Variants in CHD1 observed in about 807,000 individuals in gnomAD.
CHD1 encodes the protein chromodomain helicase DNA binding protein 1.
A neutral mutation model predicts 224.2 loss-of-function variants in CHD1; 36 were observed. That is an observed-to-expected ratio of 0.16 (90% CI 0.12 to 0.21). The LOEUF (loss-of-function observed/expected upper bound fraction) is 0.21, where lower values mean the gene tolerates loss of function less well. Among genes scored for constraint, CHD1 ranks in the 10% least tolerant of loss-of-function variants. CHD1 has a pLI of 1.00. For synonymous variants in CHD1, 668 were observed against 658.3 expected (o/e 1.01, Z -0.23); for missense variants, 1,378 against 1,994.8 (o/e 0.69, Z 5.89).
intron 1 of CHD1, 119 bp from the exon 2 acceptor site, chr5:98,926,653 T>G (rs1219297252): frequency 4.2e-6 from 1 of 237,210 alleles, no homozygotes; most frequent in Admixed American, 5.6e-5. Context: ...AAGGAAGAAG[T>G]GGGGGCCTTT....
At chr5:98,862,401 G>A (rs1252409688) in intron 32 of CHD1, among the ~76,000 whole-genome samples, 2 of 152,112 alleles carry the variant, frequency 1.3e-5, no homozygotes, top group Non-Finnish European at 2.9e-5. Flanking sequence ...ACAGCCTTAG[G>A]ATGTAAAGTG....
Position 98,872,532 on chromosome 5 carries a change from C to A in CHD1, c.3595G>T (p.Gly1199Cys). The A allele has an allele frequency of 6.2e-7, 1 of 1,612,952 alleles. No individual in the cohort carries two copies. The highest frequency in any genetic ancestry group is 8.5e-7 in the Non-Finnish European group (1 of 1,179,640). ...ACTCCTGATATTCGGAATGTTGGACCCTTCACTTTTCCGAGTCTACCACCT... is the reference window on the plus strand; with the variant it reads ...ACTCCTGATATTCGGAATGTTGGACACTTCACTTTTCCGAGTCTACCACCT... ...RTGGRLGKVK[G>C]PTFRISGVQV... Residue 1199 changes from glycine (G) to cysteine (C), a missense_variant, in exon 27 of 36, where the codon GGT (glycine) becomes TGT (cysteine). Transcript: ENST00000614616.
At chr5:98,859,469 C>G (rs1748301431) in intron 33 of CHD1, among the ~76,000 whole-genome samples, 1 of 152,118 alleles carries the variant, frequency 6.6e-6, no homozygotes, top group African/African-American at 2.4e-5. Context: ...ACGTCTTCCT[C>G]TGGGACAGCT....
intron 23 of CHD1, among the ~76,000 whole-genome samples, chr5:98,878,760 C>A (rs1749952711): frequency 6.6e-6 from 1 of 151,932 alleles, no homozygotes; most frequent in African/African-American, 2.4e-5. Context: ...TCTAAAAAAA[C>A]CTGTGGGTCA....
chr5:98,860,847 A>G (rs1484124421), intron 32 of CHD1, among the ~76,000 whole-genome samples: 1 of 152,208 alleles, frequency 6.6e-6, no homozygotes, highest in Non-Finnish European at 1.5e-5. Context: ...ATGATACCTT[A>G]CTGAAATGAA....
At chr5:98,872,357 C>T (rs1749415213) in intron 27 of CHD1, 60 bp downstream of exon 27, 3 of 1,523,452 alleles carry the variant, frequency 2.0e-6, no homozygotes, top group African/African-American at 2.8e-5. Context: ...AAATTCAGCA[C>T]ATTCATTTTG....
chr5:98,869,342 A>C, intron 30 of CHD1: 1 of 785,496 alleles, frequency 1.3e-6, no homozygotes, highest in African/African-American at 1.9e-5. Flanking sequence ...ATTTTTCTTC[A>C]TATGACTACA....
intron 2 of CHD1, among the ~76,000 whole-genome samples, chr5:98,914,260 A>G (rs765975224): frequency 7.2e-5 from 11 of 152,196 alleles, no homozygotes; most frequent in Non-Finnish European, 1.3e-4. Flanking sequence ...GAAGCCATAC[A>G]TTAAGAAGAG....
intron 3 of CHD1, among the ~76,000 whole-genome samples, chr5:98,904,281 C>T (rs1180121734): frequency 6.6e-6 from 1 of 152,096 alleles, no homozygotes; most frequent in Non-Finnish European, 1.5e-5. Flanking sequence ...CAGATTTGAG[C>T]GGGGGGCCGG....
chr5:98,870,325 A>G (rs550446932), intron 29 of CHD1, among the ~76,000 whole-genome samples: 1 of 152,218 alleles, frequency 6.6e-6, no homozygotes, highest in Admixed American at 6.5e-5. Context: ...AAGCTTGGCA[A>G]CCTATGACGC....
intron 31 of CHD1, among the ~76,000 whole-genome samples, chr5:98,865,181 A>C (rs1363142754): frequency 1.3e-5 from 2 of 152,230 alleles, no homozygotes; most frequent in African/African-American, 4.8e-5. Flanking sequence ...AAGTAGAGGA[A>C]AAAACAAACA....
intron 32 of CHD1, among the ~76,000 whole-genome samples, chr5:98,862,076 G>A (rs1310603346): frequency 6.6e-6 from 1 of 152,084 alleles, no homozygotes. Context: ...AGGATAGCTT[G>A]AGCCCAGGAG....
chr5:98,928,243 C>T (rs1419860668), intron 1 of CHD1, among the ~76,000 whole-genome samples: 1 of 151,984 alleles, frequency 6.6e-6, no homozygotes, highest in Non-Finnish European at 1.5e-5. Flanking sequence ...CACGCACCGG[C>T]TAAGTGCTAG....
rs553269715 is a variant in CHD1 at position 98,854,151 on chromosome 5, T to C, written c.*2229A>G. Reference sequence around the variant, plus strand: ...TTCTGCTATATTTATGTACTAATGTTCTTCACCATTGCGTCTTAATTTTTC... The same window carrying C: ...TTCTGCTATATTTATGTACTAATGTCCTTCACCATTGCGTCTTAATTTTTC... On this transcript the variant is annotated 3_prime_UTR_variant, in exon 36 of 36. Coordinates refer to ENST00000614616, the MANE Select transcript of CHD1 (RefSeq NM_001270.4). 1 of 150,836 alleles carries C rather than the reference T, an allele frequency of 6.6e-6. No individual in the cohort carries two copies. Among genetic ancestry groups the C allele is most frequent in the African/African-American group, 2.5e-5 (1 of 40,552 alleles). The allele number at this position is 150,836 out of a possible 1,614,324, so 9.3% of individuals were successfully genotyped here. A position where few individuals can be genotyped will look rare whatever the true frequency, so the allele number is the denominator to read the frequency against.
chr5:98,926,552 A>C lies in CHD1; in HGVS notation c.-148-18T>G. On this transcript the variant is annotated intron_variant, in intron 1 of 35. Coordinates refer to ENST00000614616, the MANE Select transcript of CHD1 (RefSeq NM_001270.4). ...TGATTCACCTAAAGAAAATATATTA[A>C]TAAATTAACAAAATTTCCTGCAGAA... 2.5e-6 allele frequency: 1 copy of C among 404,802 alleles called. No homozygotes were observed. The allele number at this position is 404,802 out of a possible 1,614,324, so 25.1% of individuals were successfully genotyped here.
At chr5:98,911,234 G>C (rs911210216) in intron 2 of CHD1, among the ~76,000 whole-genome samples, 1 of 145,086 alleles carries the variant, frequency 6.9e-6, no homozygotes, top group African/African-American at 2.6e-5. Context: ...CCACTTGAAG[G>C]GGCTTCCATT....
At chr5:98,923,521 A>T (rs1237358304) in intron 2 of CHD1, among the ~76,000 whole-genome samples, 1 of 151,800 alleles carries the variant, frequency 6.6e-6, no homozygotes, top group South Asian at 2.1e-4. Context: ...CCTGGGTTCA[A>T]GCAATTCTCC....
Position 98,873,777 on chromosome 5 carries a change from T to A in CHD1, c.3441-54A>T, listed in dbSNP as rs1274442620. The stretch of plus-strand genomic sequence containing the variant: ...AAATATGTTAAATGAAGTGGTGCCA[T>A]TTAAGATTAAGTTTCACTCTATTTC... On this transcript the variant is annotated intron_variant, in intron 25 of 35. Transcript: ENST00000614616. 5.2e-6 allele frequency: 8 copies of A among 1,529,238 alleles called. No individual in the cohort carries two copies. In the East Asian group the frequency reaches 1.8e-4, roughly 35 times the overall value. 94.7% of individuals were successfully genotyped at this position (1,529,238 alleles called of 1,614,324 possible). A position where few individuals can be genotyped will look rare whatever the true frequency, so the allele number is the denominator to read the frequency against.
rs147154039 is a variant in CHD1, at chr5:98,868,499, C to T, written c.4244G>A (p.Ser1415Asn). The change falls in exon 31 of 36, where the codon AGC (serine) becomes AAC (asparagine). Residue 1415 changes from serine (S) to asparagine (N), a missense_variant. Coordinates refer to ENST00000614616, the MANE Select transcript of CHD1 (RefSeq NM_001270.4). ...ATCAGAAAGTCTAAGGCTTACAATG[C>T]TGAATGTCTTCTGATCCAGCTCTTC... ...ESEELDQKTF[S>N]ICKERMRPVK... is the part of the protein sequence containing the mutation. The T allele has an allele frequency of 1.9e-6, 3 of 1,606,920 alleles. No homozygotes were observed. In the African/African-American group the frequency reaches 4.0e-5, roughly 22 times the overall value.
Sources: gnomAD v4.1 joint callset for allele counts (sites outside exome capture counted in the v4.1 genomes callset) on GRCh38, gnomAD v4.1.1 for gene constraint, MANE v1.5 for transcripts, NCBI Gene and HGNC (gene_info 2026-07-23, HGNC 2026-07-21) for gene names.